CNTN5: variants seen among roughly 807,000 people sequenced by gnomAD.
The protein encoded by CNTN5 is contactin-5.
In CNTN5, 77 loss-of-function variants were observed where a neutral mutation model predicts 129.1. The observed-to-expected ratio is 0.60, with a 90% CI of 0.50 to 0.72. CNTN5 has a LOEUF of 0.72. Ranked by LOEUF, CNTN5 falls within the 30% of genes least tolerant of loss-of-function variation. The pLI, the probability that CNTN5 is intolerant of heterozygous loss-of-function variation, is 0.00. For synonymous variants in CNTN5, 509 were observed against 465.6 expected (o/e 1.09, Z -1.20); for missense variants, 1,478 against 1,328.8 (o/e 1.11, Z -1.75).
chr11:99,332,843 T>A (rs1190669300), intron 2 of CNTN5, among the ~76,000 whole-genome samples: 3 of 152,092 alleles, frequency 2.0e-5, no homozygotes, highest in Non-Finnish European at 4.4e-5. Flanking sequence ...GTATTTACCT[T>A]ACTAAATTTT....
chr11:99,053,977 T>A (rs547437269), intron 1 of CNTN5, among the ~76,000 whole-genome samples: 1 of 152,140 alleles, frequency 6.6e-6, no homozygotes, highest in South Asian at 2.1e-4. Context: ...ACTTTTTAGA[T>A]GAATAATTTT....
chr11:99,517,897 C>T (rs1011467260), intron 2 of CNTN5, among the ~76,000 whole-genome samples: 2 of 152,014 alleles, frequency 1.3e-5, no homozygotes, highest in Non-Finnish European at 2.9e-5. Flanking sequence ...TGTGTGCAAA[C>T]CTGGTAACTA....
chr11:99,618,989 A>T (rs376919346), intron 3 of CNTN5, among the ~76,000 whole-genome samples: 4 of 152,210 alleles, frequency 2.6e-5, no homozygotes, highest in East Asian at 1.9e-4. Context: ...TTCACATGCC[A>T]AATGCACATC....
At chr11:99,357,806 C>G (rs1055418203) in intron 2 of CNTN5, among the ~76,000 whole-genome samples, 6 of 151,638 alleles carry the variant, frequency 4.0e-5, no homozygotes, top group African/African-American at 1.5e-4. Context: ...GCCCCCACCT[C>G]TCATCTGTTA....
At chr11:100,094,663 A>G (rs1158690898) in intron 13 of CNTN5, among the ~76,000 whole-genome samples, 1 of 151,760 alleles carries the variant, frequency 6.6e-6, no homozygotes, top group African/African-American at 2.4e-5. Context: ...GGGTGGAAAG[A>G]AAGAAGAAAT....
intron 3 of CNTN5, among the ~76,000 whole-genome samples, chr11:99,767,895 A>G (rs1944809670): frequency 6.6e-6 from 1 of 152,092 alleles, no homozygotes; most frequent in Admixed American, 6.6e-5. Context: ...AATATTTTCA[A>G]AACAAAAAAG....
chr11:99,977,349 C>T (rs537756993), intron 8 of CNTN5, among the ~76,000 whole-genome samples: 6 of 152,172 alleles, frequency 3.9e-5, no homozygotes, highest in African/African-American at 1.2e-4. Flanking sequence ...AACATCTGCC[C>T]ATTACTCAGT....
intron 6 of CNTN5, among the ~76,000 whole-genome samples, chr11:99,880,608 CAA>C (rs1416436583): frequency 1.3e-5 from 2 of 152,240 alleles, no homozygotes; most frequent in East Asian, 3.9e-4. Context: ...TTTACAAATA[CAA>C]TTGAAATTGA....
At chr11:99,348,481 G>T (rs181365374) in intron 2 of CNTN5, among the ~76,000 whole-genome samples, 159 of 152,298 alleles carry the variant, frequency 1.0e-3, no homozygotes, top group African/African-American at 3.4e-3. Flanking sequence ...GTCTGCTGAG[G>T]TTAAGTTCGG....
At chr11:99,862,618 T>C (rs989456874) in intron 6 of CNTN5, among the ~76,000 whole-genome samples, 14 of 152,020 alleles carry the variant, frequency 9.2e-5, no homozygotes, top group Non-Finnish European at 2.1e-4. Flanking sequence ...TTTTATTTAG[T>C]TTATAAAGTA....
At chr11:99,387,345 G>T (rs1940980176) in intron 2 of CNTN5, among the ~76,000 whole-genome samples, 1 of 151,894 alleles carries the variant, frequency 6.6e-6, no homozygotes, top group Non-Finnish European at 1.5e-5. Context: ...TTTCATTTTA[G>T]TTTTGCAAAG....
intron 4 of CNTN5, among the ~76,000 whole-genome samples, chr11:99,824,463 C>A (rs183690719): frequency 2.4e-4 from 37 of 152,036 alleles, no homozygotes; most frequent in African/African-American, 7.0e-4. Flanking sequence ...ATTTTACTTA[C>A]ATTTAACTGT....
In CNTN5 at chr11:99,932,215, G is replaced by A. The variant is rs533904732; in HGVS notation, c.673+16066G>A. On this transcript the variant is annotated intron_variant, in intron 7 of 24. Transcript: ENST00000524871. ...TATTTTATTTTATTTTTTTGAGACG[G>A]AGTCTCGCTGTTGTCAGCCCGGGCT... Among the ~76,000 whole-genome samples, 5 of 152,082 alleles carry A rather than the reference G, an allele frequency of 3.3e-5. No homozygotes were observed. In the South Asian group the frequency reaches 1.0e-3, roughly 32 times the overall value.
At chr11:99,508,803 T>A (rs1339037543) in intron 2 of CNTN5, among the ~76,000 whole-genome samples, 1 of 151,978 alleles carries the variant, frequency 6.6e-6, no homozygotes, top group East Asian at 1.9e-4. Context: ...TGCCTCAGCC[T>A]CCCAAGTAGC....
intron 6 of CNTN5, among the ~76,000 whole-genome samples, chr11:99,890,957 T>C (rs1949043422): frequency 6.6e-6 from 1 of 151,974 alleles, no homozygotes; most frequent in Admixed American, 6.6e-5. Context: ...CCATTGCCAA[T>C]TGAGGGACAT....
intron 6 of CNTN5, among the ~76,000 whole-genome samples, chr11:99,899,230 G>A (rs1043627637): frequency 6.6e-6 from 1 of 151,794 alleles, no homozygotes; most frequent in Admixed American, 6.6e-5. Context: ...TTTCTCTTAC[G>A]TGATAGCTCT....
chr11:100,097,685 T>G (rs1393870604), intron 13 of CNTN5, among the ~76,000 whole-genome samples: 1 of 152,128 alleles, frequency 6.6e-6, no homozygotes, highest in East Asian at 1.9e-4. Flanking sequence ...TTAACATTCA[T>G]TTGGGAATCA....
chr11:100,289,344 G>A (rs1034702163), intron 18 of CNTN5, among the ~76,000 whole-genome samples: 21 of 152,128 alleles, frequency 1.4e-4, no homozygotes, highest in Non-Finnish European at 2.8e-4. Context: ...GATGAACATT[G>A]ATACAAAAAT....
intron 9 of CNTN5, among the ~76,000 whole-genome samples, chr11:100,019,933 T>C (rs1202213285): frequency 4.6e-5 from 7 of 152,038 alleles, no homozygotes; most frequent in Admixed American, 2.6e-4. Context: ...GTTGACCATT[T>C]GTACCTCTTT....
Sources: allele counts gnomAD v4.1 joint callset (sites outside exome capture counted in the v4.1 genomes callset), GRCh38; gene constraint gnomAD v4.1.1; transcripts MANE v1.5; gene names NCBI Gene and HGNC (gene_info 2026-07-23, HGNC 2026-07-21).